Variants in PCDH15 observed in about 807,000 individuals in gnomAD.
PCDH15 encodes the protein protocadherin related 15.
A neutral mutation model predicts 178.5 loss-of-function variants in PCDH15; 129 were observed. The ratio of observed to expected loss-of-function variants is 0.72; its 90% CI spans 0.63 to 0.84. The LOEUF is 0.84. Among genes scored for constraint, PCDH15 ranks in the 40% least tolerant of loss-of-function variants. The probability of loss-of-function intolerance (pLI) is 0.00; values close to 1 mark genes in which losing one functional copy is unlikely to be tolerated. For synonymous variants in PCDH15, 800 were observed against 732.0 expected (o/e 1.09, Z -1.50); for missense variants, 2,230 against 2,099.9 (o/e 1.06, Z -1.21).
intron 3 of PCDH15, among the ~76,000 whole-genome samples, chr10:54,468,156 T>C (rs1405762873): frequency 6.6e-6 from 1 of 151,992 alleles, no homozygotes; most frequent in Non-Finnish European, 1.5e-5. Context: ...CTGTATTTTG[T>C]TTAGTTCCAC....
chr10:54,181,188 T>A (rs2133770967), intron 13 of PCDH15, among the ~76,000 whole-genome samples: 1 of 152,302 alleles, frequency 6.6e-6, no homozygotes, highest in African/African-American at 2.4e-5. Context: ...CTATGATTTT[T>A]CTACCTGTGA....
intron 14 of PCDH15, among the ~76,000 whole-genome samples, chr10:54,136,130 C>T (rs936723480): frequency 2.0e-5 from 3 of 152,054 alleles, no homozygotes; most frequent in African/African-American, 7.2e-5. Context: ...CTCCTTCACC[C>T]CTCCTGAGCA....
At chr10:54,607,054 T>C (rs2092773325) in intron 2 of PCDH15, 1 of 152,120 alleles carries the variant, frequency 6.6e-6, no homozygotes, top group African/African-American at 2.4e-5. Context: ...TTCAGGTGGC[T>C]AGAAAGATTT....
chr10:54,599,836 AAAG>A (rs2092441179), intron 2 of PCDH15: 5 of 624,344 alleles, frequency 8.0e-6, no homozygotes, highest in South Asian at 3.2e-5. Flanking sequence ...AGGTGAGCAG[AAAG>A]AAGGAGAAAC....
At chr10:54,023,241 G>A (rs368911484) in intron 18 of PCDH15, 44 bp from the exon 19 acceptor site, 173 of 1,561,310 alleles carry the variant, frequency 1.1e-4, no homozygotes, top group Non-Finnish European at 1.4e-4. Flanking sequence ...CGTAAGTTTT[G>A]ACGGGCTACT....
At chr10:54,051,112 G>T (rs2093763461) in intron 18 of PCDH15, among the ~76,000 whole-genome samples, 1 of 152,106 alleles carries the variant, frequency 6.6e-6, no homozygotes, top group African/African-American at 2.4e-5. Flanking sequence ...TCTTTCCTTT[G>T]TAAGTATCCC....
Position 54,317,138 on chromosome 10 carries a change from G to A in PCDH15, c.876+133C>T, listed in dbSNP as rs371124185. ...ATTCATACTCCCTGAAAATAGTTTC[G>A]GACATAAATATTTTTCAATGTGCAT... is the stretch of plus-strand genomic sequence containing the variant. On this transcript the variant is annotated intron_variant, in intron 8 of 37. Coordinates refer to ENST00000644397, the MANE Select transcript of PCDH15 (RefSeq NM_001384140.1). 81 of 899,962 alleles carry A rather than the reference G, an allele frequency of 9.0e-5. 1 individual carries two copies. Among genetic ancestry groups the A allele is most frequent in the African/African-American group, 2.2e-4 (13 of 59,804 alleles). 55.7% of individuals were successfully genotyped at this position (899,962 alleles called of 1,614,324 possible). A position where few individuals can be genotyped will look rare whatever the true frequency, so the allele number is the denominator to read the frequency against.
intron 1 of PCDH15, among the ~76,000 whole-genome samples, chr10:54,756,089 A>ACACACACACACACTCACACT: frequency 6.7e-6 from 1 of 148,338 alleles, no homozygotes; most frequent in East Asian, 2.1e-4. Flanking sequence ...ACACACACAC[A>ACACACACACACACTCACACT]CACACACAAA....
intron 10 of PCDH15, among the ~76,000 whole-genome samples, chr10:54,205,381 A>T (rs538504319): frequency 6.6e-6 from 1 of 152,132 alleles, no homozygotes; most frequent in East Asian, 1.9e-4. Context: ...CATTTATGTA[A>T]GGGAATTCTC....
rs4614343 is a variant in PCDH15 at position 54,406,614 on chromosome 10, A to G, written c.158-27672T>C. 6.2e-3 allele frequency among the ~76,000 whole-genome samples: 951 copies of G among 152,270 alleles called. 9 individuals carry two copies. The highest frequency in any genetic ancestry group is 0.017 in the African/African-American group (710 of 41,580). ...TTTTGGAACAAAGGCAAAAAACAGA[A>G]CCGCAGTAGCCTTTCCACTAACACT... On this transcript the variant is annotated intron_variant, in intron 3 of 37. Coordinates refer to ENST00000644397, the MANE Select transcript of PCDH15 (RefSeq NM_001384140.1).
chr10:55,180,438 A>G (rs2132133672), intron 1 of PCDH15, among the ~76,000 whole-genome samples: 1 of 152,238 alleles, frequency 6.6e-6, no homozygotes, highest in African/African-American at 2.4e-5. Context: ...TTAAGGTAGA[A>G]GCAAATTTAT....
chr10:55,134,235 A>C (rs1481791254), intron 2 of PCDH15, among the ~76,000 whole-genome samples: 2 of 152,126 alleles, frequency 1.3e-5, no homozygotes, highest in South Asian at 2.1e-4. Context: ...TTCAACCTTG[A>C]AACCTTTGGA....
At chr10:54,670,360 C>A (rs576675054) in intron 1 of PCDH15, among the ~76,000 whole-genome samples, 1 of 152,212 alleles carries the variant, frequency 6.6e-6, no homozygotes, top group South Asian at 2.1e-4. Context: ...CATTCTTATA[C>A]TACAGCTATG....
chr10:55,587,210 A>G (rs949715635), intron 2 of PCDH15, among the ~76,000 whole-genome samples: 2 of 152,122 alleles, frequency 1.3e-5, no homozygotes, highest in African/African-American at 4.8e-5. Flanking sequence ...CAAGATAAAC[A>G]TTTTTATAAT....
At chr10:54,797,385 T>A (rs1952141321) in intron 1 of PCDH15, among the ~76,000 whole-genome samples, 1 of 152,036 alleles carries the variant, frequency 6.6e-6, no homozygotes, top group African/African-American at 2.4e-5. Context: ...AGCCATGATC[T>A]AATTTTAAGG....
chr10:54,100,637 T>C (rs1162457811), intron 15 of PCDH15, among the ~76,000 whole-genome samples: 4 of 152,186 alleles, frequency 2.6e-5, no homozygotes, highest in Admixed American at 6.5e-5. Context: ...TTGATGTTAA[T>C]ATTTAGAAAG....
intron 3 of PCDH15, among the ~76,000 whole-genome samples, chr10:54,383,075 A>T (rs1222131460): frequency 6.6e-6 from 1 of 152,146 alleles, no homozygotes; most frequent in Non-Finnish European, 1.5e-5. Context: ...AACATTTTTC[A>T]TCCTACAGCT....
chr10:54,727,648 A>T (rs1377743371), intron 1 of PCDH15, among the ~76,000 whole-genome samples: 2 of 151,476 alleles, frequency 1.3e-5, no homozygotes, highest in African/African-American at 4.8e-5. Context: ...AGACCAACAA[A>T]AATATGTTGG....
In PCDH15 at chr10:54,317,384, C is replaced by T; in HGVS notation, c.763G>A (p.Val255Ile). The T allele has an allele frequency of 1.2e-6, 2 of 1,613,996 alleles. No individual in the cohort carries two copies. Among genetic ancestry groups the T allele is most frequent in the East Asian group, 2.2e-5 (1 of 44,862 alleles). ...GGACCCAAGTCATCTCCATCCAGAACATCCACTGTGAGAGTGGTGGTGGTG... is the reference window on the plus strand; with the variant it reads ...GGACCCAAGTCATCTCCATCCAGAATATCCACTGTGAGAGTGGTGGTGGTG... ...RTTTTTLTVD[V>I]LDGDDLGPMF... Residue 255 changes from valine (V) to isoleucine (I), a missense_variant, in exon 8 of 38, where the codon GTT (valine) becomes ATT (isoleucine). Coordinates refer to ENST00000644397, the MANE Select transcript of PCDH15 (RefSeq NM_001384140.1).
Sources: gnomAD v4.1 joint callset for allele counts (sites outside exome capture counted in the v4.1 genomes callset) on GRCh38, gnomAD v4.1.1 for gene constraint, MANE v1.5 for transcripts, NCBI Gene and HGNC (gene_info 2026-07-23, HGNC 2026-07-21) for gene names.